Variants in BIN3 observed in about 807,000 individuals in gnomAD.
The protein encoded by BIN3 is bridging integrator 3.
Under a neutral mutation model 38.2 loss-of-function variants are expected in BIN3, and 41 were observed. That is an observed-to-expected ratio of 1.07 (90% CI 0.84 to 1.39). BIN3 has a LOEUF of 1.39. BIN3 is among the 40% of genes most tolerant of loss of function. The pLI is 0.00. For missense variants in BIN3, 361 were observed against 324.3 expected (o/e 1.11, Z -0.87); for synonymous variants, 145 against 122.6 (o/e 1.18, Z -1.21).
At chr8:22,629,047 C>T (rs1802096647) in intron 6 of BIN3, among the ~76,000 whole-genome samples, 1 of 152,244 alleles carries the variant, frequency 6.6e-6, no homozygotes, top group South Asian at 2.1e-4. Context: ...GAAACAAGAG[C>T]TTGCTAGGGT....
chr8:22,637,343 T>C (rs1802402416), intron 2 of BIN3, among the ~76,000 whole-genome samples: 1 of 151,784 alleles, frequency 6.6e-6, no homozygotes, highest in Non-Finnish European at 1.5e-5. Context: ...AGAGGGCGGG[T>C]CTGGAATTGG....
At chr8:22,656,908 T>G (rs1803074156) in intron 1 of BIN3, among the ~76,000 whole-genome samples, 2 of 152,238 alleles carry the variant, frequency 1.3e-5, no homozygotes, top group Non-Finnish European at 2.9e-5. Flanking sequence ...TACAGGCTAA[T>G]TAACTCTGAT....
intron 1 of BIN3, among the ~76,000 whole-genome samples, chr8:22,654,669 T>C (rs1803002759): frequency 6.6e-6 from 1 of 152,222 alleles, no homozygotes; most frequent in African/African-American, 2.4e-5. Context: ...TTCATCCTTT[T>C]ATTTTTTTAA....
chr8:22,630,344 A>G, intron 5 of BIN3, 98 bp downstream of exon 5: 5 of 1,499,430 alleles, frequency 3.3e-6, no homozygotes. Context: ...GAGCCCTGAG[A>G]GCAGAGGGAG....
At chr8:22,636,714 G>A in intron 3 of BIN3, 128 bp from the exon 4 acceptor site, 1 of 1,097,184 alleles carries the variant, frequency 9.1e-7, no homozygotes, top group Non-Finnish European at 1.3e-6. Flanking sequence ...TTTTCCCGCT[G>A]ACTGAAGTGC....
chr8:22,627,007 G>A lies in BIN3; in HGVS notation c.339-2644C>T, dbSNP rs541394430. Among the ~76,000 whole-genome samples the A allele has an allele frequency of 2.6e-5, 4 of 152,294 alleles. No individual in the cohort carries two copies. In the East Asian group the frequency reaches 7.7e-4, roughly 29 times the overall value. On this transcript the variant is annotated intron_variant, in intron 6 of 8. Coordinates refer to ENST00000276416, the MANE Select transcript of BIN3 (RefSeq NM_018688.6). The stretch of plus-strand genomic sequence containing the variant: ...TCTCCAGGTGGCCACCTGGCTGCAT[G>A]GGCTCCTGCCAGCCCCCTGGAACCA...
intron 6 of BIN3, chr8:22,625,394 C>G (rs554668344): frequency 2.8e-6 from 2 of 702,526 alleles, no homozygotes; most frequent in East Asian, 5.4e-5. Context: ...TGACCCAGGA[C>G]CAGAAGAGTT....
At chr8:22,633,617 G>A (rs958820559) in intron 4 of BIN3, among the ~76,000 whole-genome samples, 1 of 152,232 alleles carries the variant, frequency 6.6e-6, no homozygotes, top group Non-Finnish European at 1.5e-5. Context: ...CTTGCTGGGG[G>A]AGCGCAGGAG....
rs187358459 is a variant in BIN3, at chr8:22,659,917, G to A, written c.8+9127C>T. Among the ~76,000 whole-genome samples the A allele has an allele frequency of 2.2e-3, 334 of 152,254 alleles. 1 individual carries two copies. Among genetic ancestry groups the A allele is most frequent in the Non-Finnish European group, 3.9e-3 (263 of 68,026 alleles). On this transcript the variant is annotated intron_variant, in intron 1 of 8. Transcript: ENST00000276416. The stretch of plus-strand genomic sequence containing the variant: ...AAGGTAGTAGTGGTATTTTGATGAC[G>A]ACGACCAACCAGGTCCAGAAGGGGT...
intron 1 of BIN3, among the ~76,000 whole-genome samples, chr8:22,651,957 CTCAATT>C (rs1221733382): frequency 1.4e-5 from 2 of 147,890 alleles, no homozygotes; most frequent in Non-Finnish European, 3.0e-5. Flanking sequence ...ATTTCTGTTT[CTCAATT>C]TCATCTTCTA....
chr8:22,643,101 T>C (rs1418168664), intron 2 of BIN3, among the ~76,000 whole-genome samples: 1 of 152,218 alleles, frequency 6.6e-6, no homozygotes. Flanking sequence ...GCATTCAGAA[T>C]AAAAGAACCC....
At chr8:22,627,500 G>T (rs773976271) in intron 6 of BIN3, among the ~76,000 whole-genome samples, 1 of 152,136 alleles carries the variant, frequency 6.6e-6, no homozygotes, top group Non-Finnish European at 1.5e-5. Context: ...AGGTGGAGAC[G>T]TGCACAGGCT....
At chr8:22,653,635 G>T (rs1024483548) in intron 1 of BIN3, among the ~76,000 whole-genome samples, 1 of 152,128 alleles carries the variant, frequency 6.6e-6, no homozygotes, top group Non-Finnish European at 1.5e-5. Flanking sequence ...CCCCAAAAAA[G>T]CCTGGGCTAC....
intron 2 of BIN3, among the ~76,000 whole-genome samples, chr8:22,643,481 T>C (rs1802625981): frequency 6.6e-6 from 1 of 152,192 alleles, no homozygotes; most frequent in Non-Finnish European, 1.5e-5. Context: ...CAGGCGTGCA[T>C]ATTTTTTGGT....
rs563429511 is a variant in BIN3 at position 22,624,249 on chromosome 8, C to T, written c.453G>A (p.Thr151=). The T allele has an allele frequency of 9.9e-6, 16 of 1,613,880 alleles. No homozygotes were observed. Among genetic ancestry groups the T allele is most frequent in the Non-Finnish European group, 1.2e-5 (14 of 1,179,850 alleles). ...KVEKYEEKEK[T]GPVLAKLHQA... ...GGTGGAGCTTGGCCAGCACTGGCCC[C>T]GTCTTCTCCTTTTCCTCATACTTCT... Residue 151 remains threonine (T), a synonymous_variant, in exon 7 of 9, where the codon ACG becomes ACA. Transcript: ENST00000276416.
chr8:22,635,065 T>C (rs949948823), intron 4 of BIN3, among the ~76,000 whole-genome samples: 4 of 152,122 alleles, frequency 2.6e-5, no homozygotes, highest in African/African-American at 7.2e-5. Context: ...CTCTCCTGCA[T>C]CTCTGGTCAG....
intron 1 of BIN3, among the ~76,000 whole-genome samples, chr8:22,663,009 T>C (rs1272265148): frequency 1.3e-5 from 2 of 152,082 alleles, no homozygotes; most frequent in Non-Finnish European, 2.9e-5. Flanking sequence ...ATCCCAGCTA[T>C]CTGGGAGGCT....
At position 22,630,390 on chromosome 8, in the gene BIN3, C is replaced by A. The variant is rs925922729; in HGVS notation, c.297+52G>T. 12 of 1,605,650 alleles carry A rather than the reference C, an allele frequency of 7.5e-6. No homozygotes were observed. The South Asian group carries it at 1.3e-4, about 18-fold the overall frequency. ...CCTCCCCGCACAGTCCACCCAGAGG[C>A]CCAGACCGGGCAGAAGTCATGCTTG... On this transcript the variant is annotated intron_variant, in intron 5 of 8. Coordinates refer to ENST00000276416, the MANE Select transcript of BIN3 (RefSeq NM_018688.6).
At chr8:22,645,271 A>G (rs1250181398) in intron 1 of BIN3, among the ~76,000 whole-genome samples, 2 of 151,664 alleles carry the variant, frequency 1.3e-5, no homozygotes, top group African/African-American at 4.8e-5. Flanking sequence ...TCAAGACTAG[A>G]CTGGGCAATA....
Sources: allele counts gnomAD v4.1 joint callset (sites outside exome capture counted in the v4.1 genomes callset), GRCh38; gene constraint gnomAD v4.1.1; transcripts MANE v1.5; gene names NCBI Gene and HGNC (gene_info 2026-07-23, HGNC 2026-07-21).